Variants in KLHL13 observed in about 807,000 individuals in gnomAD.
KLHL13 encodes the protein kelch like family member 13, also known as kelch-like protein 13.
A neutral mutation model predicts 37.1 loss-of-function variants in KLHL13; 10 were observed. The ratio of observed to expected loss-of-function variants is 0.27; its 90% confidence interval spans 0.17 to 0.46. The LOEUF (loss-of-function observed/expected upper bound fraction) is 0.46, where lower values mean the gene tolerates loss of function less well. KLHL13 is among the 20% of genes least tolerant of loss of function. The pLI, the probability that KLHL13 is intolerant of heterozygous loss-of-function variation, is 1.00. For synonymous variants in KLHL13, 163 were observed against 181.2 expected (o/e 0.90, Z 0.81); for missense variants, 360 against 509.3 (o/e 0.71, Z 2.82).
intron 1 of KLHL13, among the ~76,000 whole-genome samples, chrX:118,021,047 C>G (rs182678693): frequency 1.0e-5 from 1 of 99,264 alleles, no homozygotes; most frequent in African/African-American, 3.7e-5. Context: ...TGCTAGATGA[C>G]GAGTTAGTGG....
exon 5 of KLHL13, chrX:117,909,873 A>G: frequency 1.8e-6 from 2 of 1,123,516 alleles, no homozygotes; most frequent in Non-Finnish European, 2.4e-6. Context: ...TTCCAGGCGA[A>G]GCCAACGACA....
intron 1 of KLHL13, among the ~76,000 whole-genome samples, chrX:118,085,989 G>A (rs919778517): frequency 1.8e-5 from 2 of 110,528 alleles, no homozygotes; most frequent in Non-Finnish European, 3.8e-5. Context: ...CCAGGCTGGA[G>A]TACAATGGCA....
intron 1 of KLHL13, among the ~76,000 whole-genome samples, chrX:118,011,714 C>T (rs759289383): frequency 3.6e-5 from 4 of 111,027 alleles, no homozygotes; most frequent in Non-Finnish European, 7.5e-5. Flanking sequence ...TCAAACAATA[C>T]CAAGAATATA....
At chrX:118,013,602 TG>T (rs756284695) in intron 1 of KLHL13, among the ~76,000 whole-genome samples, 1 of 111,683 alleles carries the variant, frequency 9.0e-6, no homozygotes, top group Non-Finnish European at 1.9e-5. Flanking sequence ...TAAACCAATG[TG>T]ACAAACAAAA....
chrX:117,981,606 A>G (rs2053662670), intron 1 of KLHL13, among the ~76,000 whole-genome samples: 1 of 111,624 alleles, frequency 9.0e-6, no homozygotes, highest in African/African-American at 3.3e-5. Flanking sequence ...TTCCTTATTC[A>G]GCTTGATTTA....
intron 1 of KLHL13, among the ~76,000 whole-genome samples, chrX:118,071,010 G>C (rs1268163739): frequency 1.7e-4 from 18 of 107,983 alleles, no homozygotes; most frequent in Admixed American, 6.0e-4. Context: ...TGTGGTGTTT[G>C]GTTTTTTCTT....
intron 1 of KLHL13, among the ~76,000 whole-genome samples, chrX:117,966,694 A>G (rs1325482139): frequency 5.4e-5 from 6 of 111,330 alleles, no homozygotes; most frequent in Non-Finnish European, 1.1e-4. Flanking sequence ...ACAGCATGGT[A>G]CTGGTACCAA....
intron 1 of KLHL13, among the ~76,000 whole-genome samples, chrX:118,108,908 G>A (rs1343549408): frequency 9.0e-6 from 1 of 111,722 alleles, no homozygotes; most frequent in Non-Finnish European, 1.9e-5. Context: ...CTGGGCTCAA[G>A]GGATCCTCCT....
exon 1 of KLHL13, chrX:117,973,418 G>C (rs770018265): frequency 1.0e-6 from 1 of 965,303 alleles, no homozygotes; most frequent in Non-Finnish European, 1.3e-6. Context: ...ATAGAGATCA[G>C]TGACTAAATT....
In KLHL13 at chrX:117,907,538, A is replaced by C. The variant is rs377340227; in HGVS notation, c.1366+1763T>G. Among the ~76,000 whole-genome samples, 11 of 111,599 alleles carry C rather than the reference A, an allele frequency of 9.9e-5. No individual in the cohort carries two copies. The East Asian group carries it at 3.1e-3, about 31-fold the overall frequency. ...CTTATACAGGGATTTTCTAAGAAAC[A>C]ACCAAGTCACTACTTGCACCTTCTA... On this transcript the variant is annotated intron_variant, in intron 5 of 6. Coordinates refer to ENST00000262820, the Ensembl canonical transcript of KLHL13.
Position 118,013,096 on chromosome X carries a change from G to A in KLHL13, c.-55-67521C>T, listed in dbSNP as rs371163420. 1.3e-4 allele frequency among the ~76,000 whole-genome samples: 15 copies of A among 112,164 alleles called. No individual in the cohort carries two copies. The South Asian group carries it at 2.6e-3, about 19-fold the overall frequency. ...TGTAAGAAATGGTTGTAGGTGCTGC[G>A]ATTAAAGCAGTAAACAAGTTGAACA... is the stretch of plus-strand genomic sequence containing the variant. On this transcript the variant is annotated intron_variant, in intron 1 of 6. Transcript: ENST00000371882.
In KLHL13 at chrX:117,922,560, A is replaced by T. The variant is rs775233471; in HGVS notation, c.241-2190T>A. ...AAACTTTGCAACAAGTTAACTGGAA[A>T]CCAGGAACTTATTTGTGAAACCTCT... On this transcript the variant is annotated intron_variant, in intron 2 of 6. Transcript: ENST00000262820. Among the ~76,000 whole-genome samples the T allele has an allele frequency of 3.6e-5, 4 of 111,986 alleles. No individual in the cohort carries two copies. In the East Asian group the frequency reaches 1.1e-3, roughly 31 times the overall value.
At chrX:117,903,176 G>A (rs1356602189) in intron 5 of KLHL13, among the ~76,000 whole-genome samples, 1 of 96,598 alleles carries the variant, frequency 1.0e-5, no homozygotes. Flanking sequence ...AGAGAGAGGA[G>A]AGCGAGAGAG....
intron 1 of KLHL13, among the ~76,000 whole-genome samples, chrX:117,955,997 C>T (rs1331820006): frequency 9.0e-6 from 1 of 111,246 alleles, no homozygotes; most frequent in Non-Finnish European, 1.9e-5. Flanking sequence ...TGGTTTTTCA[C>T]CTAAAATGTT....
At chrX:118,033,242 C>T (rs1214356113) in intron 1 of KLHL13, among the ~76,000 whole-genome samples, 107 of 110,677 alleles carry the variant, frequency 9.7e-4, no homozygotes, top group African/African-American at 3.4e-3. Context: ...ATACAGAGAA[C>T]GCCACAAAGA....
chrX:118,095,160 G>A (rs1388063917), intron 1 of KLHL13, among the ~76,000 whole-genome samples: 1 of 111,050 alleles, frequency 9.0e-6, no homozygotes, highest in Non-Finnish European at 1.9e-5. Flanking sequence ...CACATACAGA[G>A]ACACACATAG....
chrX:118,106,538 A>G (rs1027234397), intron 1 of KLHL13, among the ~76,000 whole-genome samples: 2 of 111,962 alleles, frequency 1.8e-5, no homozygotes, highest in African/African-American at 6.5e-5. Context: ...AATAAATAAT[A>G]TATTTCATCA....
intron 1 of KLHL13, among the ~76,000 whole-genome samples, chrX:118,003,513 C>T (rs929803140): frequency 9.0e-6 from 1 of 111,319 alleles, no homozygotes; most frequent in Non-Finnish European, 1.9e-5. Flanking sequence ...ACCATAATTA[C>T]GTGAAAATCA....
chrX:117,929,804 A>C (rs1408755752), intron 2 of KLHL13, among the ~76,000 whole-genome samples: 2 of 101,355 alleles, frequency 2.0e-5, no homozygotes, highest in African/African-American at 7.5e-5. Context: ...AAAAAAAAAA[A>C]CTTAAATTAA....
Sources: allele counts gnomAD v4.1 joint callset (sites outside exome capture counted in the v4.1 genomes callset), GRCh38; gene constraint gnomAD v4.1.1; transcripts MANE v1.5; gene names NCBI Gene and HGNC (gene_info 2026-07-23, HGNC 2026-07-21).